SYN3: variants seen among roughly 807,000 people sequenced by gnomAD.
The protein encoded by SYN3 is synapsin-3.
In SYN3, 35 loss-of-function variants were observed where a neutral mutation model predicts 65.8. The observed-to-expected ratio is 0.53, with a 90% CI of 0.41 to 0.70. The LOEUF (loss-of-function observed/expected upper bound fraction) is 0.70, where lower values mean the gene tolerates loss of function less well. Among genes scored for constraint, SYN3 ranks in the 30% least tolerant of loss-of-function variants. SYN3 has a pLI of 0.00. For synonymous variants in SYN3, 270 were observed against 292.9 expected (o/e 0.92, Z 0.80); for missense variants, 680 against 749.0 (o/e 0.91, Z 1.08).
chr22:32,899,046 G>C (rs2049681761), intron 4 of SYN3, among the ~76,000 whole-genome samples: 1 of 144,268 alleles, frequency 6.9e-6, no homozygotes. Flanking sequence ...AGGTTGCTGT[G>C]AGCTGAGATT....
intron 6 of SYN3, among the ~76,000 whole-genome samples, chr22:32,677,847 A>G (rs2147097414): frequency 6.6e-6 from 1 of 152,190 alleles, no homozygotes; most frequent in South Asian, 2.1e-4. Flanking sequence ...CACAAGATTG[A>G]GTGAAAAGCA....
At chr22:32,850,905 C>T (rs929927156) in intron 6 of SYN3, among the ~76,000 whole-genome samples, 1 of 152,164 alleles carries the variant, frequency 6.6e-6, no homozygotes, top group Non-Finnish European at 1.5e-5. Context: ...CCAAGGCCAA[C>T]CTCCAGGCTT....
chr22:32,706,517 C>T (rs1028392548), intron 6 of SYN3, among the ~76,000 whole-genome samples: 4 of 152,056 alleles, frequency 2.6e-5, no homozygotes, highest in African/African-American at 9.7e-5. Flanking sequence ...CTATAAAAGC[C>T]GAGATAATTC....
At chr22:32,777,871 T>C (rs71313141) in intron 6 of SYN3, among the ~76,000 whole-genome samples, 2 of 152,214 alleles carry the variant, frequency 1.3e-5, no homozygotes, top group Admixed American at 1.3e-4. Context: ...TGGATTTAAT[T>C]GGCTAGTTTT....
rs557223434 is a variant in SYN3 at position 32,886,936 on chromosome 22, G to C, written c.462-17811C>G. 1.5e-4 allele frequency among the ~76,000 whole-genome samples: 23 copies of C among 152,376 alleles called. 1 individual carries two copies. In the South Asian group the frequency reaches 4.3e-3, roughly 29 times the overall value. ...GCCCTTACATGCTTCTCCCCCGGAGGGGGTGGGATCTGTGACTGGTTTGCT... is the reference window on the plus strand; with the variant it reads ...GCCCTTACATGCTTCTCCCCCGGAGCGGGTGGGATCTGTGACTGGTTTGCT... On this transcript the variant is annotated intron_variant, in intron 4 of 13. Transcript: ENST00000358763.
chr22:32,932,381 G>T (rs952089568), intron 3 of SYN3, among the ~76,000 whole-genome samples: 1 of 151,982 alleles, frequency 6.6e-6, no homozygotes, highest in African/African-American at 2.4e-5. Flanking sequence ...TCTGACTCGG[G>T]GTGGAAGAAT....
intron 7 of SYN3, among the ~76,000 whole-genome samples, chr22:32,570,350 T>C (rs1261247355): frequency 6.6e-6 from 1 of 152,216 alleles, no homozygotes; most frequent in African/African-American, 2.4e-5. Context: ...ATTGTAAACA[T>C]TTCCCAAAAG....
chr22:32,724,172 A>G (rs868131177), intron 6 of SYN3, among the ~76,000 whole-genome samples: 3 of 152,238 alleles, frequency 2.0e-5, no homozygotes, highest in South Asian at 4.1e-4. Context: ...ACCTAAGCCA[A>G]TGCTATTTAA....
chr22:32,897,786 A>G (rs550470431), intron 4 of SYN3, among the ~76,000 whole-genome samples: 1 of 152,192 alleles, frequency 6.6e-6, no homozygotes, highest in South Asian at 2.1e-4. Flanking sequence ...TAGCTATTTT[A>G]TTTGTTTTGT....
intron 6 of SYN3, among the ~76,000 whole-genome samples, chr22:32,787,718 T>G (rs2046229205): frequency 6.6e-6 from 1 of 152,160 alleles, no homozygotes; most frequent in Non-Finnish European, 1.5e-5. Flanking sequence ...TTTCAGATAC[T>G]GATAAGCCCA....
intron 4 of SYN3, among the ~76,000 whole-genome samples, chr22:32,887,451 C>T (rs368696016): frequency 6.6e-6 from 1 of 152,022 alleles, no homozygotes; most frequent in Non-Finnish European, 1.5e-5. Flanking sequence ...CTTAATCTCA[C>T]AGTCACAAGA....
At chr22:32,565,541 C>T (rs922720386) in intron 7 of SYN3, among the ~76,000 whole-genome samples, 1 of 148,776 alleles carries the variant, frequency 6.7e-6, no homozygotes, top group South Asian at 2.1e-4. Context: ...TATAGGAGAC[C>T]GAATCATGCC....
At chr22:32,868,698 G>C (rs2048756524) in intron 5 of SYN3, among the ~76,000 whole-genome samples, 1 of 152,088 alleles carries the variant, frequency 6.6e-6, no homozygotes, top group Non-Finnish European at 1.5e-5. Flanking sequence ...TGATCCGCCT[G>C]TCTTGGCCTC....
chr22:32,802,274 C>T (rs2046610087), intron 6 of SYN3: 1 of 1,244,698 alleles, frequency 8.0e-7, no homozygotes, highest in Admixed American at 2.7e-5. Flanking sequence ...TGTCCTTGGG[C>T]GGGGGCGCTG....
chr22:32,627,863 C>G (rs969746059), intron 6 of SYN3, among the ~76,000 whole-genome samples: 1 of 152,164 alleles, frequency 6.6e-6, no homozygotes, highest in Non-Finnish European at 1.5e-5. Flanking sequence ...GAGTCTCACT[C>G]TGTCGCCCAG....
intron 7 of SYN3, among the ~76,000 whole-genome samples, chr22:32,582,144 C>T (rs2058957592): frequency 6.6e-6 from 1 of 152,146 alleles, no homozygotes; most frequent in Non-Finnish European, 1.5e-5. Flanking sequence ...GCTTCCCTGG[C>T]TGGGGCTAAG....
At chr22:32,664,751 C>T (rs935540277) in intron 6 of SYN3, among the ~76,000 whole-genome samples, 7 of 151,354 alleles carry the variant, frequency 4.6e-5, no homozygotes, top group Non-Finnish European at 7.4e-5. Flanking sequence ...CCGCCAAGCC[C>T]GGCTAATTTT....
At chr22:32,944,481 C>CAATA (rs1235489271) in intron 3 of SYN3, among the ~76,000 whole-genome samples, 1 of 152,100 alleles carries the variant, frequency 6.6e-6, no homozygotes, top group African/African-American at 2.4e-5. Flanking sequence ...AGGCCTTTGA[C>CAATA]AAAATTCAAC....
chr22:32,641,819 A>G (rs1053291596), intron 6 of SYN3, among the ~76,000 whole-genome samples: 1 of 152,152 alleles, frequency 6.6e-6, no homozygotes, highest in African/African-American at 2.4e-5. Context: ...AGTGACTTAT[A>G]TCTCAATAAA....
Sources: allele counts gnomAD v4.1 joint callset (sites outside exome capture counted in the v4.1 genomes callset), GRCh38; gene constraint gnomAD v4.1.1; transcripts MANE v1.5; gene names NCBI Gene and HGNC (gene_info 2026-07-23, HGNC 2026-07-21).